Variants in LPCAT1 observed in about 807,000 individuals in gnomAD.
LPCAT1 encodes the protein 1-acylglycerol-3-phosphate O-acyltransferase.
LPCAT1 carries 23 observed loss-of-function variants against 60.9 expected under a neutral mutation model. The observed-to-expected ratio is 0.38, with a 90% CI of 0.27 to 0.53. The LOEUF (loss-of-function observed/expected upper bound fraction) is 0.53. Among genes scored for constraint, LPCAT1 ranks in the 20% least tolerant of loss-of-function variants. LPCAT1 has a pLI of 0.82. For synonymous variants in LPCAT1, 340 were observed against 301.1 expected, an observed-to-expected ratio of 1.13 and a Z score of -1.34; for missense variants, 622 against 723.6, an observed-to-expected ratio of 0.86 and a Z score of 1.61.
In LPCAT1 at chr5:1,494,821, G is replaced by T. The variant is rs1316211742; in HGVS notation, c.372C>A (p.Pro124=). 5 of 1,613,682 alleles carry T rather than the reference G, an allele frequency of 3.1e-6. No individual in the cohort carries two copies. The South Asian group carries it at 5.5e-5, about 18-fold the overall frequency. The change falls in exon 3 of 14, where the codon CCC becomes CCA. Residue 124 remains proline (P), a synonymous_variant. Coordinates refer to ENST00000283415, the MANE Select transcript of LPCAT1 (RefSeq NM_024830.5). ...RVAVKGRQAL[P]TEAAILTLAP... Reference sequence around the variant, plus strand: ...CGAGCGTGAGGATGGCCGCCTCGGTGGGCAGCGCCTGCCGCCCCTTCACGG... The same window carrying T: ...CGAGCGTGAGGATGGCCGCCTCGGTTGGCAGCGCCTGCCGCCCCTTCACGG...
At chr5:1,486,893 A>G (rs1735390380) in intron 5 of LPCAT1, among the ~76,000 whole-genome samples, 1 of 152,198 alleles carries the variant, frequency 6.6e-6, no homozygotes. Context: ...GACCCCGTGG[A>G]ACCCACCTGG....
chr5:1,483,476 G>T lies in LPCAT1; in HGVS notation c.678C>A (p.Ile226=), dbSNP rs775490703. 6.2e-7 allele frequency: 1 copy of T among 1,613,660 alleles called. No individual in the cohort carries two copies. The highest frequency in any genetic ancestry group is 2.2e-5 in the East Asian group (1 of 44,874). The change falls in exon 6 of 14, where the codon ATC becomes ATA. Residue 226 remains isoleucine (I), a synonymous_variant. Coordinates refer to ENST00000283415, the MANE Select transcript of LPCAT1 (RefSeq NM_024830.5). This position sits in a 1 kb window ranked among gnomAD's most constrained non-coding sequence, Gnocchi z 9.2. ...CLITFKPGAF[I]PGAPVQPVVL... is the part of the protein sequence containing the mutation. ...CCACAGGCTGGACGGGCGCTCCAGG[G>T]ATGAATGCACCTGCCGAGAAAGGAA...
At chr5:1,485,714 G>A (rs1156252783) in intron 5 of LPCAT1, among the ~76,000 whole-genome samples, 1 of 152,056 alleles carries the variant, frequency 6.6e-6, no homozygotes, top group African/African-American at 2.4e-5. Context: ...GTGCAGGGAG[G>A]CCGCTGCGGC....
At chr5:1,473,059 C>A (rs1161822734) in intron 11 of LPCAT1, among the ~76,000 whole-genome samples, 1 of 152,022 alleles carries the variant, frequency 6.6e-6, no homozygotes, top group African/African-American at 2.4e-5. Flanking sequence ...TCTCCTGCTC[C>A]TCCTGCTCTC....
At chr5:1,464,560 A>G (rs1286334643) in intron 13 of LPCAT1, among the ~76,000 whole-genome samples, 3 of 152,192 alleles carry the variant, frequency 2.0e-5, no homozygotes, top group East Asian at 3.8e-4. Context: ...GCATGCACAC[A>G]TGCAAACACA....
At chr5:1,472,066 C>CA (rs1734699893) in intron 11 of LPCAT1, among the ~76,000 whole-genome samples, 1 of 30,698 alleles carries the variant, frequency 3.3e-5, no homozygotes, top group Non-Finnish European at 5.9e-5. Context: ...GAGGAGCACC[C>CA]GGGGCAGAAG....
In LPCAT1 at chr5:1,481,229, TCCC is replaced by T. The variant is rs1233536518; in HGVS notation, c.727-256_727-254del. On this transcript the variant is annotated intron_variant, in intron 6 of 13. Coordinates refer to ENST00000283415, the MANE Select transcript of LPCAT1 (RefSeq NM_024830.5). This position sits in a 1 kb window ranked among gnomAD's most constrained non-coding sequence, Gnocchi z 7.8. ...CCACCACCTTACAGGTCCCCAGAGT[TCCC>T]CCAAGATCCCCAGAGTCCCTGAGGA... Among the ~76,000 whole-genome samples the T allele has an allele frequency of 6.6e-6, 1 of 151,524 alleles. No individual in the cohort carries two copies. Among genetic ancestry groups the T allele is most frequent in the East Asian group, 1.9e-4 (1 of 5,150 alleles).
chr5:1,479,796 C>T (rs1579771689), intron 7 of LPCAT1, 121 bp from the exon 8 acceptor site: 4 of 745,208 alleles, frequency 5.4e-6, no homozygotes, highest in Admixed American at 2.2e-5. Context: ...GGGCAGTCAA[C>T]GCTCCCACGG....
intron 12 of LPCAT1, among the ~76,000 whole-genome samples, chr5:1,468,817 G>T (rs1391824056): frequency 6.6e-6 from 1 of 152,238 alleles, no homozygotes. Context: ...CAGTCAGCCT[G>T]GGGGGCAGCT....
rs1000889776 is a variant in LPCAT1 at position 1,476,148 on chromosome 5, C to T, written c.899+1256G>A. Among the ~76,000 whole-genome samples, 10 of 152,220 alleles carry T rather than the reference C, an allele frequency of 6.6e-5. No individual in the cohort carries two copies. The highest frequency in any genetic ancestry group is 2.1e-4 in the South Asian group (1 of 4,834). The stretch of plus-strand genomic sequence containing the variant: ...ATAATCAGTGAGGCCCACAGGCGAT[C>T]TCTCCTTGAGCGCTGTAAAATCTGT... On this transcript the variant is annotated intron_variant, in intron 9 of 13. Coordinates refer to ENST00000283415, the MANE Select transcript of LPCAT1 (RefSeq NM_024830.5). This position sits in a 1 kb window ranked among gnomAD's most constrained non-coding sequence, Gnocchi z 8.6.
rs1736670716 is a variant in LPCAT1 at position 1,521,293 on chromosome 5, A to G, written c.135+2417T>C. The G allele has an allele frequency of 3.1e-6, 3 of 983,178 alleles. No individual in the cohort carries two copies. The highest frequency in any genetic ancestry group is 3.5e-5 in the African/African-American group (2 of 57,306). The allele number at this position is 983,178 out of a possible 1,614,324, so 60.9% of individuals were successfully genotyped here. ...CCCCGCATGGCGCTAATCCGAAGAC[A>G]CACAGCAGCCCCTCCCAGGCGGCAA... On this transcript the variant is annotated intron_variant, in intron 1 of 13. Transcript: ENST00000283415. The surrounding 1 kb of genome is among the most constrained non-coding windows in gnomAD (Gnocchi z 4.3).
chr5:1,468,245 G>A (rs1156598317), intron 12 of LPCAT1, among the ~76,000 whole-genome samples: 1 of 152,184 alleles, frequency 6.6e-6, no homozygotes, highest in African/African-American at 2.4e-5. Context: ...ATCCCACAGC[G>A]CTGCCGCACG....
chr5:1,464,006 T>C (rs1734219711), intron 13 of LPCAT1, among the ~76,000 whole-genome samples, 171 bp from the exon 14 acceptor site: 1 of 152,228 alleles, frequency 6.6e-6, no homozygotes, highest in Admixed American at 6.5e-5. Context: ...TTGCGCTTAC[T>C]TTCTTTGCAG....
rs1408682666 is a variant in LPCAT1 at position 1,487,810 on chromosome 5, G to A, written c.667+581C>T. Among the ~76,000 whole-genome samples the A allele has an allele frequency of 3.9e-5, 6 of 152,182 alleles. No homozygotes were observed. On this transcript the variant is annotated intron_variant, in intron 5 of 13. Transcript: ENST00000283415. The surrounding 1 kb of genome is among the most constrained non-coding windows in gnomAD (Gnocchi z 6.1). ...GTGTGCAGAATTCCAAACAGACTCA[G>A]CGCAAAAAGAACAGTGGACTCTGCT...
intron 11 of LPCAT1, 23 bp downstream of exon 11, chr5:1,473,934 G>T (rs370884914): frequency 6.2e-7 from 1 of 1,603,752 alleles, no homozygotes; most frequent in East Asian, 2.2e-5. Context: ...CCGACACCCC[G>T]CTCCGCAGGC....
chr5:1,467,912 GAC>G (rs1184317661), intron 12 of LPCAT1, among the ~76,000 whole-genome samples: 1 of 152,126 alleles, frequency 6.6e-6, no homozygotes. Context: ...CTGGGGCTCC[GAC>G]GGGGCCGTCG....
intron 6 of LPCAT1, among the ~76,000 whole-genome samples, chr5:1,482,265 G>A (rs536701567): frequency 1.2e-4 from 18 of 151,518 alleles, no homozygotes; most frequent in South Asian, 4.2e-4. Context: ...CCCTGAGCTC[G>A]GCGGCAGGCC....
chr5:1,505,496 C>T (rs999040462), intron 1 of LPCAT1, among the ~76,000 whole-genome samples: 13 of 152,390 alleles, frequency 8.5e-5, no homozygotes, highest in Admixed American at 8.5e-4. Context: ...GGGGGAGCAG[C>T]GCCCCATCCC....
Position 1,462,986 on chromosome 5 carries a change from CCAAA to C in LPCAT1, c.*661_*664del, listed in dbSNP as rs1175723445. ...GCCTGATGGAAATTTAAGTCAAAGC[CCAAA>C]CAGCCTCAGATTCTATATTAAAAAA... On this transcript the variant is annotated 3_prime_UTR_variant, in exon 14 of 14. Coordinates refer to ENST00000283415, the MANE Select transcript of LPCAT1 (RefSeq NM_024830.5). The C allele has an allele frequency of 2.0e-5, 3 of 151,162 alleles. No individual in the cohort carries two copies. In the East Asian group the frequency reaches 5.8e-4, roughly 29 times the overall value. 9.4% of individuals were successfully genotyped at this position (151,162 alleles called of 1,614,324 possible).
Sources: allele counts gnomAD v4.1 joint callset (sites outside exome capture counted in the v4.1 genomes callset), GRCh38; gene constraint gnomAD v4.1.1; non-coding constraint Gnocchi (gnomAD v3.1); transcripts MANE v1.5; gene names NCBI Gene and HGNC (gene_info 2026-07-23, HGNC 2026-07-21).